Variants in DPYD observed in about 807,000 individuals in gnomAD.
The protein encoded by DPYD is dihydropyrimidine dehydrogenase, also known as dihydropyrimidine dehydrogenase [NADP(+)].
Under a neutral mutation model 116.2 loss-of-function variants are expected in DPYD, and 109 were observed. The observed-to-expected ratio is 0.94, with a 90% CI of 0.80 to 1.10. The LOEUF is 1.10. Ranked by LOEUF, DPYD falls within the 50% of genes least tolerant of loss-of-function variation. DPYD has a pLI of 0.00. For missense variants in DPYD, 1,302 were observed against 1,254.5 expected (o/e 1.04, Z -0.57); for synonymous variants, 440 against 432.0 (o/e 1.02, Z -0.23).
At position 97,831,329 on chromosome 1, in the gene DPYD, T is replaced by A. The variant is rs1571433000; in HGVS notation, c.151-3133A>T. Among the ~76,000 whole-genome samples, 3 of 152,162 alleles carry A rather than the reference T, an allele frequency of 2.0e-5. No homozygotes were observed. In the East Asian group the frequency reaches 5.8e-4, roughly 29 times the overall value. ...ATCCACTGAGTAAAGGGCAAACAGA[T>A]TCACTGTCACGTTTACCACCAATAA... is the stretch of plus-strand genomic sequence containing the variant. On this transcript the variant is annotated intron_variant, in intron 2 of 22. Transcript: ENST00000370192.
At chr1:97,707,265 A>G (rs191809335) in intron 5 of DPYD, among the ~76,000 whole-genome samples, 97 of 152,174 alleles carry the variant, frequency 6.4e-4, no homozygotes, top group African/African-American at 2.3e-3. Context: ...AAAAGCCTTT[A>G]CCTATGACCA....
At position 97,655,032 on chromosome 1, in the gene DPYD, C is replaced by A. The variant is rs1366257516; in HGVS notation, c.850+24063G>T. ...ACCGCCTCCATGATTCAATTATCTCCCACCCCGTCCCTCTCACAACATGTA... is the reference window on the plus strand; with the variant it reads ...ACCGCCTCCATGATTCAATTATCTCACACCCCGTCCCTCTCACAACATGTA... On this transcript the variant is annotated intron_variant, in intron 8 of 22. Coordinates refer to ENST00000370192, the MANE Select transcript of DPYD (RefSeq NM_000110.4). Among the ~76,000 whole-genome samples, 5 of 152,182 alleles carry A rather than the reference C, an allele frequency of 3.3e-5. No homozygotes were observed. In the East Asian group the frequency reaches 7.7e-4, roughly 24 times the overall value.
chr1:97,834,267 C>G (rs1669661859), intron 2 of DPYD, among the ~76,000 whole-genome samples: 1 of 151,772 alleles, frequency 6.6e-6, no homozygotes, highest in African/African-American at 2.4e-5. Flanking sequence ...GAAATGAAAA[C>G]CAGTCATTCA....
At chr1:97,186,022 T>G (rs987728894) in intron 20 of DPYD, among the ~76,000 whole-genome samples, 4 of 152,228 alleles carry the variant, frequency 2.6e-5, no homozygotes, top group Admixed American at 2.0e-4. Context: ...ACAAAACTTT[T>G]AAAGTTGTAA....
At chr1:97,481,928 T>A (rs1489109465) in intron 13 of DPYD, among the ~76,000 whole-genome samples, 1 of 152,132 alleles carries the variant, frequency 6.6e-6, no homozygotes, top group East Asian at 1.9e-4. Context: ...ATACAAACAT[T>A]TCTAGAGAAG....
chr1:97,600,279 C>A (rs1655168225), intron 8 of DPYD, among the ~76,000 whole-genome samples: 1 of 152,162 alleles, frequency 6.6e-6, no homozygotes, highest in Middle Eastern at 3.4e-3. Flanking sequence ...TATGTGAGAT[C>A]TCACATGTTA....
chr1:97,251,410 A>AAAAG (rs1557973138), intron 18 of DPYD, among the ~76,000 whole-genome samples: 3 of 148,496 alleles, frequency 2.0e-5, no homozygotes, highest in Non-Finnish European at 4.5e-5. Flanking sequence ...AAAAAAAAAA[A>AAAAG]AAAGAAAGAA....
At chr1:97,455,739 T>C (rs2101808392) in intron 13 of DPYD, among the ~76,000 whole-genome samples, 1 of 152,068 alleles carries the variant, frequency 6.6e-6, no homozygotes, top group Admixed American at 6.6e-5. Context: ...ACTAAGTATA[T>C]TAATATTTGA....
At chr1:97,316,462 C>T (rs1406307115) in intron 16 of DPYD, among the ~76,000 whole-genome samples, 2 of 150,156 alleles carry the variant, frequency 1.3e-5, no homozygotes, top group South Asian at 2.1e-4. Context: ...TGCAGTGAGC[C>T]GAGATTGCGT....
chr1:97,399,855 T>C (rs1172889210), intron 14 of DPYD, among the ~76,000 whole-genome samples: 8 of 152,140 alleles, frequency 5.3e-5, no homozygotes, highest in Admixed American at 3.9e-4. Flanking sequence ...TGGGCTGAGA[T>C]GATGGCATTT....
chr1:97,798,474 C>A (rs1667689636), intron 3 of DPYD, among the ~76,000 whole-genome samples: 1 of 151,816 alleles, frequency 6.6e-6, no homozygotes, highest in Non-Finnish European at 1.5e-5. Flanking sequence ...TCACCTCAAT[C>A]CTGTGAGGCA....
At chr1:97,492,135 C>T (rs1172521553) in intron 13 of DPYD, among the ~76,000 whole-genome samples, 1 of 152,120 alleles carries the variant, frequency 6.6e-6, no homozygotes, top group Non-Finnish European at 1.5e-5. Context: ...GTGCAAATCT[C>T]CACATATTAA....
intron 19 of DPYD, among the ~76,000 whole-genome samples, chr1:97,195,103 T>G (rs1009481865): frequency 5.9e-5 from 9 of 152,120 alleles, no homozygotes; most frequent in African/African-American, 2.2e-4. Context: ...TTCACCAACA[T>G]GGCCCAACAT....
chr1:97,674,581 C>T (rs1007725162), intron 8 of DPYD, among the ~76,000 whole-genome samples: 35 of 151,476 alleles, frequency 2.3e-4, no homozygotes, highest in African/African-American at 5.6e-4. Flanking sequence ...AAAACAAAGA[C>T]GAAGGGTCCA....
chr1:97,810,691 C>T (rs140877960), intron 3 of DPYD, among the ~76,000 whole-genome samples: 1 of 152,140 alleles, frequency 6.6e-6, no homozygotes, highest in Non-Finnish European at 1.5e-5. Flanking sequence ...GGCTCCCATG[C>T]AGACTCTCTG....
At chr1:97,597,641 G>A (rs1654975552) in intron 8 of DPYD, among the ~76,000 whole-genome samples, 1 of 152,064 alleles carries the variant, frequency 6.6e-6, no homozygotes, top group Admixed American at 6.6e-5. Context: ...AATGTGGGTG[G>A]GCCCTATCCA....
chr1:97,374,176 G>A (rs1224119179), intron 15 of DPYD, among the ~76,000 whole-genome samples: 1 of 152,126 alleles, frequency 6.6e-6, no homozygotes, highest in African/African-American at 2.4e-5. Context: ...AATGTAAAAT[G>A]TTTTTAACAG....
chr1:97,401,290 C>T (rs554851280), intron 14 of DPYD, among the ~76,000 whole-genome samples: 21 of 152,100 alleles, frequency 1.4e-4, no homozygotes, highest in African/African-American at 5.1e-4. Flanking sequence ...TTGACATTAT[C>T]TTTCACTGAG....
At chr1:97,432,880 G>C (rs957350168) in intron 14 of DPYD, among the ~76,000 whole-genome samples, 2 of 152,102 alleles carry the variant, frequency 1.3e-5, no homozygotes, top group African/African-American at 2.4e-5. Flanking sequence ...CTTCTCTTCA[G>C]CAGGACTTGG....
Sources: allele counts gnomAD v4.1 joint callset (sites outside exome capture counted in the v4.1 genomes callset), GRCh38; gene constraint gnomAD v4.1.1; transcripts MANE v1.5; gene names NCBI Gene and HGNC (gene_info 2026-07-23, HGNC 2026-07-21).